The following RTL4 variants were observed in gnomAD, a reference collection of about 807,000 sequenced individuals.
The protein encoded by RTL4 is retrotransposon Gag-like protein 4.
A neutral mutation model predicts 5.3 loss-of-function variants in RTL4; 4 were observed. The observed-to-expected ratio is 0.75, with a 90% CI of 0.37 to 1.72. RTL4 has a LOEUF of 1.72. RTL4 is among the 40% of genes most tolerant of loss of function. The probability of loss-of-function intolerance (pLI) is 0.04; values close to 1 mark genes in which losing one functional copy is unlikely to be tolerated. For missense variants in RTL4, 260 were observed against 227.1 expected, an observed-to-expected ratio of 1.14 and a Z score of -0.93; for synonymous variants, 98 against 87.3, an observed-to-expected ratio of 1.12 and a Z score of -0.68.
chrX:112,419,879 C>T, the RTL4 span, among the ~76,000 whole-genome samples: 1 of 109,207 alleles, frequency 9.2e-6, no homozygotes, highest in Non-Finnish European at 1.9e-5. Context: ...ATCATCAAAC[C>T]AATGTCCTTA....
At chrX:112,280,444 A>C in the RTL4 span, among the ~76,000 whole-genome samples, 2 of 111,503 alleles carry the variant, frequency 1.8e-5, no homozygotes, top group Admixed American at 9.5e-5. Context: ...AAACCTGTAC[A>C]TGTATCCACT....
the RTL4 span, among the ~76,000 whole-genome samples, chrX:112,388,395 C>T: frequency 2.7e-5 from 3 of 112,020 alleles, no homozygotes; most frequent in Non-Finnish European, 5.6e-5. Context: ...TATTTGAATG[C>T]CCTCTATTGT....
chrX:112,419,382 A>T, the RTL4 span, among the ~76,000 whole-genome samples: 1 of 27,639 alleles, frequency 3.6e-5, no homozygotes, highest in Non-Finnish European at 5.8e-5. Flanking sequence ...TTTTTTTGAG[A>T]CGGAGTCTCA....
At chrX:112,238,943 C>G in the RTL4 span, among the ~76,000 whole-genome samples, 3 of 111,930 alleles carry the variant, frequency 2.7e-5, no homozygotes, top group African/African-American at 9.7e-5. Flanking sequence ...AGAAACTGAT[C>G]TTCTGCCACA....
At chrX:112,330,517 A>C in the RTL4 span, among the ~76,000 whole-genome samples, 1 of 111,118 alleles carries the variant, frequency 9.0e-6, no homozygotes, top group Admixed American at 9.6e-5. Flanking sequence ...GGATACAAAC[A>C]AATGGAAGAA....
At chrX:112,142,525 A>T in the RTL4 span, among the ~76,000 whole-genome samples, 1 of 111,845 alleles carries the variant, frequency 8.9e-6, no homozygotes, top group African/African-American at 3.3e-5. Context: ...CCCTGATACC[A>T]TGTGTAGGCA....
chrX:112,179,969 G>C, the RTL4 span, among the ~76,000 whole-genome samples: 1 of 111,214 alleles, frequency 9.0e-6, no homozygotes, highest in African/African-American at 3.3e-5. Context: ...GAATCCACAG[G>C]TATTGATCAG....
the RTL4 span, among the ~76,000 whole-genome samples, chrX:112,135,087 T>A: frequency 1.8e-5 from 2 of 112,406 alleles, no homozygotes; most frequent in Non-Finnish European, 3.8e-5. Context: ...GACTAAATCA[T>A]ATGTGTATGT....
the RTL4 span, among the ~76,000 whole-genome samples, chrX:112,116,301 C>G: frequency 9.0e-6 from 1 of 111,589 alleles, no homozygotes. Flanking sequence ...CTGGTGGGTT[C>G]TTGGTCTTGC....
the RTL4 span, among the ~76,000 whole-genome samples, chrX:112,189,372 C>T: frequency 7.2e-5 from 8 of 111,866 alleles, no homozygotes; most frequent in Admixed American, 2.9e-4. Context: ...AACATAAAAA[C>T]GTGACACTTC....
the RTL4 span, among the ~76,000 whole-genome samples, chrX:112,204,440 G>C: frequency 8.9e-6 from 1 of 112,123 alleles, no homozygotes; most frequent in Non-Finnish European, 1.9e-5. Context: ...CAGGTGAATG[G>C]ATAAAGAATA....
chrX:112,165,045 C>G, the RTL4 span, among the ~76,000 whole-genome samples: 1 of 111,626 alleles, frequency 9.0e-6, no homozygotes, highest in Admixed American at 9.5e-5. Flanking sequence ...TTTCCCATCC[C>G]CCACACCAGG....
the RTL4 span, among the ~76,000 whole-genome samples, chrX:112,399,828 G>T: frequency 9.0e-6 from 1 of 111,355 alleles, no homozygotes; most frequent in African/African-American, 3.3e-5. Flanking sequence ...AGCTCAAAAA[G>T]CCTTGATATC....
At chrX:112,116,351 T>A in the RTL4 span, among the ~76,000 whole-genome samples, 1,434 of 111,025 alleles carry the variant, frequency 0.013, 38 homozygotes, top group African/African-American at 0.044. Context: ...GCAGTGAGTG[T>A]TACAGCTCTT....
chrX:112,229,239 G>C, the RTL4 span, among the ~76,000 whole-genome samples: 1 of 111,992 alleles, frequency 8.9e-6, no homozygotes, highest in Non-Finnish European at 1.9e-5. Flanking sequence ...TGCCAGGCAT[G>C]GAGGCTAAAA....
the RTL4 span, among the ~76,000 whole-genome samples, chrX:112,379,808 T>G: frequency 8.9e-6 from 1 of 112,055 alleles, no homozygotes; most frequent in Non-Finnish European, 1.9e-5. Flanking sequence ...CATTAGCTGA[T>G]TTTAGTTGGA....
the RTL4 span, among the ~76,000 whole-genome samples, chrX:112,139,846 T>C: frequency 2.7e-5 from 3 of 111,700 alleles, no homozygotes; most frequent in African/African-American, 9.8e-5. Context: ...CCCGTATTGT[T>C]CTCTTGGTAG....
At chrX:112,146,905 G>A in the RTL4 span, among the ~76,000 whole-genome samples, 1 of 104,401 alleles carries the variant, frequency 9.6e-6, no homozygotes, top group African/African-American at 3.5e-5. Context: ...GTAATAGTAA[G>A]CAATATTTGT....
the RTL4 span, among the ~76,000 whole-genome samples, chrX:112,308,221 G>A: frequency 1.8e-4 from 20 of 111,170 alleles, no homozygotes; most frequent in African/African-American, 6.5e-4. Flanking sequence ...CCTAGCTGGA[G>A]GAAGATAAAC....
Sources: allele counts gnomAD v4.1 joint callset (sites outside exome capture counted in the v4.1 genomes callset), GRCh38; gene constraint gnomAD v4.1.1; transcripts MANE v1.5; gene names NCBI Gene and HGNC (gene_info 2026-07-23, HGNC 2026-07-21).